The following TSPO variants were observed in gnomAD, a reference collection of about 807,000 sequenced individuals.
TSPO encodes the protein benzodiazepine peripheral binding site.
A neutral mutation model predicts 13.9 loss-of-function variants in TSPO; 14 were observed. The observed-to-expected ratio is 1.01, with a 90% confidence interval of 0.67 to 1.58. TSPO has a LOEUF of 1.58. Among genes scored for constraint, TSPO ranks in the 40% most tolerant of loss-of-function variants. The probability of loss-of-function intolerance (pLI) is 0.00; values close to 1 mark genes in which losing one functional copy is unlikely to be tolerated. For missense variants in TSPO, 232 were observed against 229.6 expected (o/e 1.01, Z -0.07); for synonymous variants, 114 against 105.9 (o/e 1.08, Z -0.47).
rs779150979 is a variant in TSPO, at chr22:43,162,840, C to G, written c.359C>G (p.Ala120Gly). The G allele has an allele frequency of 4.4e-6, 7 of 1,584,890 alleles. No individual in the cohort carries two copies. The African/African-American group carries it at 6.7e-5, about 15-fold the overall frequency. Reference protein sequence around the residue: ...VDLLLVSGAAAATTVAWYQVS... With the variant: ...VDLLLVSGAAGATTVAWYQVS... ...CTCCTGCTGGTCAGTGGGGCGGCGGCAGCCACTACCGTGGCCTGGTACCAG... is the reference window on the plus strand; with the variant it reads ...CTCCTGCTGGTCAGTGGGGCGGCGGGAGCCACTACCGTGGCCTGGTACCAG... The change falls in exon 4 of 4, where the codon GCA (alanine) becomes GGA (glycine). Residue 120 changes from alanine to glycine, a missense_variant. Ala to Gly is a moderately conservative substitution (Grantham distance 60). Coordinates refer to ENST00000337554, the MANE Select transcript of TSPO (RefSeq NM_000714.6).
intron 1 of TSPO, among the ~76,000 whole-genome samples, chr22:43,152,826 G>A (rs1245569286): frequency 6.6e-6 from 1 of 152,218 alleles, no homozygotes; most frequent in African/African-American, 2.4e-5. Context: ...TTCTTTCCTG[G>A]GAGTGTGTGT....
intron 3 of TSPO, among the ~76,000 whole-genome samples, chr22:43,162,357 G>A (rs745778320): frequency 1.7e-4 from 26 of 151,966 alleles, no homozygotes; most frequent in Non-Finnish European, 3.1e-4. Context: ...CCTGACCTCA[G>A]GTGATCCACC....
chr22:43,162,513 T>C (rs1178017479), intron 3 of TSPO, among the ~76,000 whole-genome samples: 1 of 152,148 alleles, frequency 6.6e-6, no homozygotes, highest in African/African-American at 2.4e-5. Context: ...GGAAGGGACG[T>C]GCAAGACCTC....
At chr22:43,155,464 G>A (rs1309760460) in intron 1 of TSPO, among the ~76,000 whole-genome samples, 1 of 152,210 alleles carries the variant, frequency 6.6e-6, no homozygotes, top group Non-Finnish European at 1.5e-5. Context: ...TCCGTGCAGG[G>A]CATTTTCACC....
At chr22:43,160,735 C>G (rs1408606939) in intron 2 of TSPO, among the ~76,000 whole-genome samples, 2 of 152,342 alleles carry the variant, frequency 1.3e-5, no homozygotes, top group East Asian at 3.9e-4. Flanking sequence ...ATGCAGTGCC[C>G]TGGCTAGGTT....
At chr22:43,157,189 C>T (rs1314982403) in intron 1 of TSPO, among the ~76,000 whole-genome samples, 1 of 151,812 alleles carries the variant, frequency 6.6e-6, no homozygotes, top group African/African-American at 2.4e-5. Flanking sequence ...TACCTCCTGC[C>T]CCAGGGAGGG....
chr22:43,158,526 C>A (rs1316494921), intron 1 of TSPO, among the ~76,000 whole-genome samples: 1 of 152,112 alleles, frequency 6.6e-6, no homozygotes, highest in Non-Finnish European at 1.5e-5. Flanking sequence ...CAGGGCAGAG[C>A]CTGGGCCAGA....
At chr22:43,152,734 G>A (rs537347112) in intron 1 of TSPO, among the ~76,000 whole-genome samples, 9 of 152,372 alleles carry the variant, frequency 5.9e-5, no homozygotes, top group South Asian at 2.1e-4. Flanking sequence ...CCAGAGTCAC[G>A]CAGCTGGCGC....
intron 1 of TSPO, among the ~76,000 whole-genome samples, chr22:43,158,850 G>A (rs1285314731): frequency 6.6e-6 from 1 of 152,144 alleles, no homozygotes; most frequent in Non-Finnish European, 1.5e-5. Flanking sequence ...TGAATGTGAA[G>A]TGCTGGAACG....
rs750994845 is a variant in TSPO, at chr22:43,159,360, C to G, written c.122C>G (p.Ser41Trp). 4 of 1,545,434 alleles carry G rather than the reference C, an allele frequency of 2.6e-6. No individual in the cohort carries two copies. The South Asian group carries it at 3.6e-5, about 14-fold the overall frequency. Residue 41 changes from serine (S) to tryptophan (W), a missense_variant, in exon 2 of 4, where the codon TCG becomes TGG. Transcript: ENST00000337554. ...TGGTACGCCGGCCTGCAGAAGCCCT[C>G]GTGGCACCCGCCCCACTGGGTGCTG... ...LRWYAGLQKP[S>W]WHPPHWVLGP...
chr22:43,161,792 G>C (rs1004115792), intron 3 of TSPO, among the ~76,000 whole-genome samples: 14 of 152,036 alleles, frequency 9.2e-5, no homozygotes, highest in African/African-American at 3.4e-4. Context: ...GTAAGCCACC[G>C]CGCCCGGCTG....
intron 1 of TSPO, among the ~76,000 whole-genome samples, chr22:43,152,488 C>A (rs1356534895): frequency 2.2e-4 from 34 of 152,270 alleles, no homozygotes. Flanking sequence ...AAGCCCTGCC[C>A]ATGAAGGCCT....
intron 1 of TSPO, among the ~76,000 whole-genome samples, chr22:43,155,015 G>C (rs1178706181): frequency 6.6e-6 from 1 of 151,988 alleles, no homozygotes; most frequent in Admixed American, 6.6e-5. Context: ...GGCTCTATGA[G>C]CCCTGTTTCA....
chr22:43,153,953 A>T (rs1260843336), intron 1 of TSPO, among the ~76,000 whole-genome samples: 1 of 152,044 alleles, frequency 6.6e-6, no homozygotes, highest in African/African-American at 2.4e-5. Context: ...CATGTCGGCC[A>T]GGCTGTTTCT....
Position 43,163,185 on chromosome 22 carries a change from G to C in TSPO, c.*194G>C. The C allele has an allele frequency of 7.1e-7, 1 of 1,409,638 alleles. No individual in the cohort carries two copies. The highest frequency in any genetic ancestry group is 1.5e-5 in the South Asian group (1 of 66,612). The allele number at this position is 1,409,638 out of a possible 1,614,324, so 87.3% of individuals were successfully genotyped here. A position where few individuals can be genotyped will look rare whatever the true frequency, so the allele number is the denominator to read the frequency against. ...GTGTCCTGTGCTTTCTGCATGCTTA[G>C]AGCATGTTCTTGGAACATGGAATTT... is the stretch of plus-strand genomic sequence containing the variant. On this transcript the variant is annotated 3_prime_UTR_variant, in exon 4 of 4. Coordinates refer to ENST00000337554, the MANE Select transcript of TSPO (RefSeq NM_000714.6).
intron 3 of TSPO, among the ~76,000 whole-genome samples, chr22:43,162,190 C>G (rs1386442944): frequency 6.6e-6 from 1 of 151,620 alleles, no homozygotes; most frequent in African/African-American, 2.4e-5. Flanking sequence ...GGCGTGATCT[C>G]AGCTCACTGC....
At chr22:43,154,000 T>C (rs1024289704) in intron 1 of TSPO, among the ~76,000 whole-genome samples, 2 of 152,052 alleles carry the variant, frequency 1.3e-5, no homozygotes, top group Non-Finnish European at 2.9e-5. Context: ...CCCCCGAACC[T>C]CGAAGGAAAG....
chr22:43,155,507 A>G (rs5759199), intron 1 of TSPO, among the ~76,000 whole-genome samples: 76,417 of 152,126 alleles, frequency 0.5, 22,727 homozygotes, highest in East Asian at 0.98. Flanking sequence ...GTGGCTGATA[A>G]GGTCTCGTCA....
rs1489600015 is a variant in TSPO, at chr22:43,162,849, C to T, written c.368C>T (p.Thr123Ile). Residue 123 changes from threonine (T) to isoleucine (I), a missense_variant, in exon 4 of 4, where the codon ACC becomes ATC. Transcript: ENST00000337554. Reference sequence around the variant, plus strand: ...GTCAGTGGGGCGGCGGCAGCCACTACCGTGGCCTGGTACCAGGTGAGCCCG... The same window carrying T: ...GTCAGTGGGGCGGCGGCAGCCACTATCGTGGCCTGGTACCAGGTGAGCCCG... ...LLVSGAAAAT[T>I]VAWYQVSPLA... The T allele has an allele frequency of 6.3e-7, 1 of 1,585,512 alleles. No individual in the cohort carries two copies. The highest frequency in any genetic ancestry group is 8.6e-7 in the Non-Finnish European group (1 of 1,167,062).
Sources: gnomAD v4.1 joint callset for allele counts (sites outside exome capture counted in the v4.1 genomes callset) on GRCh38, gnomAD v4.1.1 for gene constraint, MANE v1.5 for transcripts, NCBI Gene and HGNC (gene_info 2026-07-23, HGNC 2026-07-21) for gene names.